Variants in CREB5 observed in about 807,000 individuals in gnomAD.
The protein encoded by CREB5 is cyclic AMP-responsive element-binding protein 5.
CREB5 carries 19 observed loss-of-function variants against 57.1 expected under a neutral mutation model. The ratio of observed to expected loss-of-function variants is 0.33; its 90% CI spans 0.23 to 0.49. CREB5 has a LOEUF of 0.49. Ranked by LOEUF, CREB5 falls within the 20% of genes least tolerant of loss-of-function variation. CREB5 has a pLI of 0.99. For synonymous variants in CREB5, 238 were observed against 238.3 expected, an observed-to-expected ratio of 1.00 and a Z score of 0.01; for missense variants, 579 against 671.6, an observed-to-expected ratio of 0.86 and a Z score of 1.52.
chr7:28,805,289 G>A (rs1808646269), intron 8 of CREB5, among the ~76,000 whole-genome samples: 2 of 152,118 alleles, frequency 1.3e-5, no homozygotes, highest in African/African-American at 2.4e-5. Flanking sequence ...TGTCACCCAC[G>A]GCCAAGAAGA....
chr7:28,485,979 G>A (rs1791527773), intron 1 of CREB5, among the ~76,000 whole-genome samples: 1 of 152,074 alleles, frequency 6.6e-6, no homozygotes, highest in Admixed American at 6.5e-5. Flanking sequence ...ACAAGGGCAA[G>A]CAGAAAGATC....
chr7:28,580,439 A>G (rs1174645199), intron 5 of CREB5, among the ~76,000 whole-genome samples: 1 of 150,338 alleles, frequency 6.7e-6, no homozygotes, highest in Non-Finnish European at 1.5e-5. Context: ...CCACACACAC[A>G]CACACACACA....
intron 1 of CREB5, among the ~76,000 whole-genome samples, chr7:28,324,856 C>T (rs1191385828): frequency 6.6e-6 from 1 of 152,214 alleles, no homozygotes; most frequent in African/African-American, 2.4e-5. Context: ...GGTTCTTTCA[C>T]AATCATCCTA....
chr7:28,396,443 C>T (rs79948965), intron 1 of CREB5, among the ~76,000 whole-genome samples: 10,785 of 152,082 alleles, frequency 0.071, 540 homozygotes, highest in East Asian at 0.24. Context: ...GTATGGCATA[C>T]GTATCTAATT....
chr7:28,632,714 C>T (rs1798250966), intron 5 of CREB5, among the ~76,000 whole-genome samples: 1 of 152,170 alleles, frequency 6.6e-6, no homozygotes, highest in South Asian at 2.1e-4. Context: ...CCAGTGTCGC[C>T]AAGGGAGGAT....
intron 1 of CREB5, among the ~76,000 whole-genome samples, chr7:28,460,769 G>A (rs1371672175): frequency 6.6e-6 from 1 of 152,066 alleles, no homozygotes; most frequent in African/African-American, 2.4e-5. Flanking sequence ...GTAAACGTCA[G>A]CTATTCATTA....
At chr7:28,391,563 C>T (rs1257206728) in intron 1 of CREB5, among the ~76,000 whole-genome samples, 1 of 152,190 alleles carries the variant, frequency 6.6e-6, no homozygotes, top group African/African-American at 2.4e-5. Flanking sequence ...TGTGCCACCA[C>T]AAACTTTGCT....
chr7:28,346,867 G>T (rs1786067571), intron 1 of CREB5, among the ~76,000 whole-genome samples: 1 of 149,998 alleles, frequency 6.7e-6, no homozygotes, highest in African/African-American at 2.4e-5. Context: ...AGTGCCAAAT[G>T]GTCATGAATA....
chr7:28,678,089 TG>T (rs1372714394), intron 5 of CREB5, among the ~76,000 whole-genome samples: 1 of 152,200 alleles, frequency 6.6e-6, no homozygotes, highest in African/African-American at 2.4e-5. Flanking sequence ...CTTTTCCTCT[TG>T]TAAGAATGGA....
intron 1 of CREB5, among the ~76,000 whole-genome samples, chr7:28,434,971 G>A (rs377292451): frequency 6.6e-6 from 1 of 152,058 alleles, no homozygotes; most frequent in Non-Finnish European, 1.5e-5. Flanking sequence ...AATTTAGCAC[G>A]TGAATGTCTT....
chr7:28,560,825 C>CGTGCGCGTGCGTGTGCGCGTGCGTGT (rs1562797019), intron 4 of CREB5, among the ~76,000 whole-genome samples: 1 of 37,566 alleles, frequency 2.7e-5, no homozygotes, highest in Non-Finnish European at 6.5e-5. Flanking sequence ...TGTGTGTGCG[C>CGTGCGCGTGCGTGTGCGCGTGCGTGT]GCGCGCGCGT....
At chr7:28,474,030 C>G (rs1223936460) in intron 1 of CREB5, among the ~76,000 whole-genome samples, 1 of 152,218 alleles carries the variant, frequency 6.6e-6, no homozygotes, top group Non-Finnish European at 1.5e-5. Context: ...CCTTACTCCA[C>G]TGACTCTCCT....
intron 7 of CREB5, among the ~76,000 whole-genome samples, chr7:28,758,311 C>G (rs1805457655): frequency 6.6e-6 from 1 of 152,208 alleles, no homozygotes; most frequent in Non-Finnish European, 1.5e-5. Flanking sequence ...GAAATTCCTG[C>G]TCAGCGGCTT....
intron 5 of CREB5, among the ~76,000 whole-genome samples, chr7:28,684,140 T>C (rs780704129): frequency 1.3e-5 from 2 of 152,150 alleles, no homozygotes; most frequent in Non-Finnish European, 2.9e-5. Context: ...TTGTAGAAGT[T>C]ATTGAAAATT....
intron 4 of CREB5, among the ~76,000 whole-genome samples, chr7:28,560,849 T>TGCGTGCGCGCGC (rs1342485250): frequency 1.1e-5 from 1 of 87,052 alleles, no homozygotes; most frequent in Non-Finnish European, 2.3e-5. Context: ...TGTGTGCGCG[T>TGCGTGCGCGCGC]GTGTGTGTGC....
At chr7:28,749,028 C>T (rs1253428872) in intron 7 of CREB5, among the ~76,000 whole-genome samples, 1 of 152,164 alleles carries the variant, frequency 6.6e-6, no homozygotes, top group Non-Finnish European at 1.5e-5. Context: ...AGTTCAGGCT[C>T]CTACTAAAAC....
chr7:28,698,340 AC>A (rs773530571), intron 5 of CREB5, among the ~76,000 whole-genome samples: 8 of 108,272 alleles, frequency 7.4e-5, no homozygotes, highest in Non-Finnish European at 1.5e-4. Flanking sequence ...CATCCCCCAA[AC>A]CCCACTCCCC....
At chr7:28,534,300 C>T (rs1275053939) in intron 4 of CREB5, among the ~76,000 whole-genome samples, 3 of 152,140 alleles carry the variant, frequency 2.0e-5, no homozygotes, top group South Asian at 2.1e-4. Context: ...ATGAGGAGGC[C>T]CTGCCTTCTA....
chr7:28,667,611 A>T (rs551974859), intron 5 of CREB5, among the ~76,000 whole-genome samples: 4 of 152,192 alleles, frequency 2.6e-5, no homozygotes, highest in African/African-American at 9.6e-5. Context: ...AAGAAAAAAA[A>T]GATGAAACCG....
Sources: allele counts gnomAD v4.1 joint callset (sites outside exome capture counted in the v4.1 genomes callset), GRCh38; gene constraint gnomAD v4.1.1; transcripts MANE v1.5; gene names NCBI Gene and HGNC (gene_info 2026-07-23, HGNC 2026-07-21).